Variants in FYB1 observed in about 807,000 individuals in gnomAD.
The protein encoded by FYB1 is FYN-binding protein 1.
A neutral mutation model predicts 94.1 loss-of-function variants in FYB1; 41 were observed. That is an observed-to-expected ratio of 0.44 (90% CI 0.34 to 0.57). The LOEUF is 0.57. Ranked by LOEUF, FYB1 falls within the 20% of genes least tolerant of loss-of-function variation. FYB1 has a pLI of 0.02. For missense variants in FYB1, 1,050 were observed against 976.8 expected, an observed-to-expected ratio of 1.07 and a Z score of -1.00; for synonymous variants, 367 against 353.2, an observed-to-expected ratio of 1.04 and a Z score of -0.44.
chr5:39,134,485 T>C, intron 8 of FYB1, 136 bp from the exon 9 acceptor site: 2 of 800,350 alleles, frequency 2.5e-6, no homozygotes, highest in Non-Finnish European at 3.8e-6. Flanking sequence ...TTTGTAGACC[T>C]CCCAAGTAGA....
intron 1 of FYB1, among the ~76,000 whole-genome samples, chr5:39,208,509 C>T (rs1256653862): frequency 6.6e-6 from 1 of 151,934 alleles, no homozygotes; most frequent in African/African-American, 2.4e-5. Context: ...CCATGACTTA[C>T]TTATTCGGTC....
At chr5:39,198,240 A>G (rs1033312236) in intron 2 of FYB1, among the ~76,000 whole-genome samples, 2 of 152,218 alleles carry the variant, frequency 1.3e-5, no homozygotes, top group Non-Finnish European at 2.9e-5. Context: ...AGCGAAGGTC[A>G]CATAGCTAGT....
At chr5:39,155,027 G>A (rs1467166879) in intron 2 of FYB1, among the ~76,000 whole-genome samples, 1 of 151,898 alleles carries the variant, frequency 6.6e-6, no homozygotes, top group Admixed American at 6.6e-5. Context: ...AATGTAATTA[G>A]GCTGCTTTGG....
At chr5:39,216,750 C>G (rs759879963) in intron 1 of FYB1, among the ~76,000 whole-genome samples, 8 of 152,196 alleles carry the variant, frequency 5.3e-5, no homozygotes, top group Non-Finnish European at 1.0e-4. Flanking sequence ...GGGATTATCC[C>G]TGGCTTGGAA....
upstream of FYB1, among the ~76,000 whole-genome samples, chr5:39,220,347 G>C (rs144040654): frequency 2.8e-3 from 417 of 151,466 alleles, 2 homozygotes; most frequent in African/African-American, 9.7e-3. Flanking sequence ...GGAGTTCAAG[G>C]CTTCAGTGAG....
intron 14 of FYB1, 133 bp from the exon 15 acceptor site, chr5:39,119,767 T>G (rs1042549109): frequency 9.0e-7 from 1 of 1,106,944 alleles, no homozygotes; most frequent in Non-Finnish European, 1.2e-6. Flanking sequence ...AGAAATCCAG[T>G]AACTGTCATT....
upstream of FYB1, among the ~76,000 whole-genome samples, chr5:39,221,417 G>A (rs1260098269): frequency 2.0e-5 from 3 of 152,202 alleles, no homozygotes; most frequent in Admixed American, 6.5e-5. Flanking sequence ...GTGTTATGTT[G>A]TGTCTCTTTT....
chr5:39,254,633 C>G (rs1324241672), intron 1 of FYB1, among the ~76,000 whole-genome samples: 1 of 152,142 alleles, frequency 6.6e-6, no homozygotes, highest in Non-Finnish European at 1.5e-5. Context: ...TTGCCTTAAT[C>G]AGAACAGGTT....
chr5:39,223,745 A>G (rs1750362543), upstream of FYB1, among the ~76,000 whole-genome samples: 1 of 152,212 alleles, frequency 6.6e-6, no homozygotes, highest in Admixed American at 6.5e-5. Flanking sequence ...GTTGTGCAAT[A>G]CAAGGAGATA....
chr5:39,125,409 T>C (rs929487633), intron 12 of FYB1, among the ~76,000 whole-genome samples: 4 of 152,192 alleles, frequency 2.6e-5, no homozygotes, highest in Non-Finnish European at 4.4e-5. Flanking sequence ...TTAGATTTTA[T>C]TTGGACAAAC....
chr5:39,110,351 C>A lies in FYB1; in HGVS notation c.2435+5G>T. 6.3e-7 allele frequency: 1 copy of A among 1,588,186 alleles called. No homozygotes were observed. Among genetic ancestry groups the A allele is most frequent in the South Asian group, 1.1e-5 (1 of 87,002 alleles). On this transcript the variant is annotated splice_donor_5th_base_variant and intron_variant, in intron 17 of 18. Transcript: ENST00000512982. The stretch of plus-strand genomic sequence containing the variant: ...AAGCATAGTAGTAGAAGAAAATGGG[C>A]TTACTTGTCCGCTAGGTAACTCCGA...
At chr5:39,164,239 A>G (rs562338454) in intron 2 of FYB1, among the ~76,000 whole-genome samples, 1 of 152,162 alleles carries the variant, frequency 6.6e-6, no homozygotes, top group East Asian at 1.9e-4. Flanking sequence ...TGAACAGGAA[A>G]CTAATGCCCT....
chr5:39,255,533 A>G (rs754823656), intron 1 of FYB1, among the ~76,000 whole-genome samples: 12 of 151,438 alleles, frequency 7.9e-5, no homozygotes, highest in Admixed American at 6.6e-4. Flanking sequence ...CACACTCAAG[A>G]CTTGTCCATA....
chr5:39,266,476 GC>G (rs1752441294), intron 1 of FYB1, among the ~76,000 whole-genome samples: 1 of 152,182 alleles, frequency 6.6e-6, no homozygotes. Flanking sequence ...AACACCAAGT[GC>G]CTTTGTGCTT....
chr5:39,195,041 C>T (rs565241033), intron 2 of FYB1, among the ~76,000 whole-genome samples: 23 of 152,216 alleles, frequency 1.5e-4, no homozygotes, highest in Non-Finnish European at 2.8e-4. Context: ...TGAACCACGC[C>T]GTTGAGCAAC....
At chr5:39,108,190 C>T (rs1490892030) in intron 18 of FYB1, 41 bp downstream of exon 18, 6 of 1,477,684 alleles carry the variant, frequency 4.1e-6, no homozygotes, top group Non-Finnish European at 5.5e-6. Flanking sequence ...ACAGTAAATT[C>T]ACTATGACTG....
At chr5:39,237,556 A>C (rs1352446617) in intron 1 of FYB1, among the ~76,000 whole-genome samples, 1 of 152,072 alleles carries the variant, frequency 6.6e-6, no homozygotes, top group Non-Finnish European at 1.5e-5. Context: ...ATAGGCTATA[A>C]TATAAAAATT....
chr5:39,156,765 T>G (rs1177226520), intron 2 of FYB1, among the ~76,000 whole-genome samples: 1 of 152,206 alleles, frequency 6.6e-6, no homozygotes, highest in Non-Finnish European at 1.5e-5. Flanking sequence ...TGTCTAACGA[T>G]TGACATTAGA....
At chr5:39,221,574 G>C (rs549676393), upstream of FYB1, among the ~76,000 whole-genome samples, 1 of 152,322 alleles carries the variant, frequency 6.6e-6, no homozygotes, top group South Asian at 2.1e-4. Flanking sequence ...CATGGGGGCA[G>C]AAGAGTTGAG....
Sources: allele counts gnomAD v4.1 joint callset (sites outside exome capture counted in the v4.1 genomes callset), GRCh38; gene constraint gnomAD v4.1.1; transcripts MANE v1.5; gene names NCBI Gene and HGNC (gene_info 2026-07-23, HGNC 2026-07-21).